N4BP2: variants seen among roughly 807,000 people sequenced by gnomAD.
N4BP2 encodes the protein NEDD4-binding protein 2.
N4BP2 carries 91 observed loss-of-function variants against 152.8 expected under a neutral mutation model. The ratio of observed to expected loss-of-function variants is 0.60; its 90% confidence interval spans 0.50 to 0.71. N4BP2 has a LOEUF of 0.71. Ranked by LOEUF, N4BP2 falls within the 30% of genes least tolerant of loss-of-function variation. N4BP2 has a pLI of 0.00. For synonymous variants in N4BP2, 646 were observed against 705.3 expected (o/e 0.92, Z 1.33); for missense variants, 1,923 against 2,059.1 (o/e 0.93, Z 1.28).
chr4:40,079,531 C>A (rs2109914763), intron 2 of N4BP2, among the ~76,000 whole-genome samples: 1 of 151,856 alleles, frequency 6.6e-6, no homozygotes, highest in East Asian at 1.9e-4. Context: ...TGACCATTGC[C>A]ATAACACTAT....
rs900309713 is a variant in N4BP2 at position 40,152,727 on chromosome 4, A to C, written c.5144-53A>C. 77 of 1,599,544 alleles carry C rather than the reference A, an allele frequency of 4.8e-5. No homozygotes were observed. In the African/African-American group the frequency reaches 9.8e-4, roughly 20 times the overall value. ...TGAGTAGCTAAGGTTTACGTTTTCTATTGAGAATGTAAGATAAATGAATTT... is the reference window on the plus strand; with the variant it reads ...TGAGTAGCTAAGGTTTACGTTTTCTCTTGAGAATGTAAGATAAATGAATTT... On this transcript the variant is annotated intron_variant, in intron 16 of 17. Coordinates refer to ENST00000261435, the MANE Select transcript of N4BP2 (RefSeq NM_018177.6).
intron 12 of N4BP2, among the ~76,000 whole-genome samples, chr4:40,128,425 G>A (rs1334599452): frequency 6.6e-6 from 1 of 151,962 alleles, no homozygotes; most frequent in African/African-American, 2.4e-5. Context: ...GTATCCTAAC[G>A]CAATCCAAGG....
At chr4:40,175,746 G>A in the N4BP2 span, among the ~76,000 whole-genome samples, 2 of 138,140 alleles carry the variant, frequency 1.4e-5, no homozygotes, top group Non-Finnish European at 3.0e-5. Context: ...GGTAACGGAG[G>A]TTGCAGTGAG....
chr4:40,067,134 T>C (rs1711600304), intron 1 of N4BP2, among the ~76,000 whole-genome samples: 1 of 148,068 alleles, frequency 6.8e-6, no homozygotes, highest in African/African-American at 2.5e-5. Context: ...CATGGCTCAC[T>C]GCAGCCTTGA....
At position 40,156,333 on chromosome 4, in the gene N4BP2, C is replaced by A. The variant is rs889867630; in HGVS notation, c.*2096C>A. On this transcript the variant is annotated 3_prime_UTR_variant, in exon 18 of 18. Transcript: ENST00000261435. ...AAGTAGAGGTGTGGTATTCCGTGGG[C>A]AGAAGTCAAATGAAAAAAGCTATAT... The A allele has an allele frequency of 1.3e-5, 2 of 151,916 alleles. No individual in the cohort carries two copies. The highest frequency in any genetic ancestry group is 2.9e-5 in the Non-Finnish European group (2 of 67,952). The allele number at this position is 151,916 out of a possible 1,614,324, so 9.4% of individuals were successfully genotyped here.
chr4:40,103,152 C>G lies in N4BP2; in HGVS notation c.1307C>G (p.Ser436Cys). 6.2e-7 allele frequency: 1 copy of G among 1,614,178 alleles called. No homozygotes were observed. Among genetic ancestry groups the G allele is most frequent in the South Asian group, 1.1e-5 (1 of 91,078 alleles). ...PVSQVVRKKTSYVGLVLVLLR... is the reference protein window; with the variant it reads ...PVSQVVRKKTCYVGLVLVLLR... ...TCTCAGGTTGTAAGAAAGAAGACAT[C>G]TTACGTTGGACTAGTTCTTGTTCTT... The change falls in exon 4 of 18, where the codon TCT becomes TGT. Residue 436 changes from serine to cysteine, a missense_variant. Ser to Cys is a moderately radical substitution (Grantham distance 112). Coordinates refer to ENST00000261435, the MANE Select transcript of N4BP2 (RefSeq NM_018177.6).
chr4:40,122,234 T>C lies in N4BP2; in HGVS notation c.4123T>C (p.Cys1375Arg). Residue 1375 changes from cysteine (C) to arginine (R), a missense_variant, in exon 9 of 18, where the codon TGT (cysteine) becomes CGT (arginine). Transcript: ENST00000261435. ...PAMAKSLTID[C>R]LELALPPELA... ...GATGGCCAAATCTCTGACCATAGAC[T>C]GTCTGGAATTGGCATTACCCCCTGA... The C allele has an allele frequency of 6.2e-7, 1 of 1,608,770 alleles. No homozygotes were observed. The highest frequency in any genetic ancestry group is 8.5e-7 in the Non-Finnish European group (1 of 1,176,748).
the N4BP2 span, among the ~76,000 whole-genome samples, chr4:40,181,525 C>G: frequency 6.6e-6 from 1 of 152,204 alleles, no homozygotes; most frequent in African/African-American, 2.4e-5. Flanking sequence ...TGCTCCAAGG[C>G]TGGTATGGCA....
At chr4:40,173,988 G>GA in the N4BP2 span, among the ~76,000 whole-genome samples, 11 of 151,802 alleles carry the variant, frequency 7.2e-5, no homozygotes, top group African/African-American at 1.2e-4. Flanking sequence ...ATGCTTGTGA[G>GA]AAAAAAACAC....
intron 2 of N4BP2, among the ~76,000 whole-genome samples, chr4:40,084,149 G>A (rs1713686183): frequency 1.3e-5 from 2 of 151,942 alleles, no homozygotes; most frequent in Admixed American, 1.3e-4. Flanking sequence ...CGGGGTTTCG[G>A]CATGTTGCCC....
intron 1 of N4BP2, among the ~76,000 whole-genome samples, chr4:40,063,405 C>T (rs1179700881): frequency 6.6e-6 from 1 of 152,136 alleles, no homozygotes; most frequent in African/African-American, 2.4e-5. Context: ...AAACCTGTTT[C>T]ATGGCAGCAC....
Position 40,121,403 on chromosome 4 carries a change from C to G in N4BP2, c.3292C>G (p.Leu1098Val), listed in dbSNP as rs372162338. The G allele has an allele frequency of 6.2e-6, 10 of 1,611,530 alleles. No homozygotes were observed. The highest frequency in any genetic ancestry group is 1.3e-5 in the African/African-American group (1 of 74,700). ...ESENLNILCK[L>V]FGSFSLEALK... The stretch of plus-strand genomic sequence containing the variant: ...TGAAAATCTTAACATTCTTTGTAAA[C>G]TGTTTGGATCCTTTTCATTAGAAGC... The change falls in exon 9 of 18, where the codon CTG (leucine) becomes GTG (valine). Residue 1098 changes from leucine to valine, a missense_variant. Transcript: ENST00000261435.
chr4:40,133,905 A>C, intron 13 of N4BP2, among the ~76,000 whole-genome samples: 1 of 152,106 alleles, frequency 6.6e-6, no homozygotes, highest in East Asian at 1.9e-4. Flanking sequence ...TCCTAAGCTC[A>C]AGTGATCCTC....
At chr4:40,092,045 T>G (rs1280835634) in intron 2 of N4BP2, among the ~76,000 whole-genome samples, 3 of 102,668 alleles carry the variant, frequency 2.9e-5, no homozygotes, top group South Asian at 3.1e-4. Context: ...TATATATATA[T>G]AGCTGAATTT....
At chr4:40,154,076 A>G (rs1721404596) in intron 17 of N4BP2, 116 bp from the exon 18 acceptor site, 5 of 718,662 alleles carry the variant, frequency 7.0e-6, no homozygotes, top group South Asian at 3.4e-5. Flanking sequence ...ATAAGGGTCA[A>G]TACTTTGGTA....
At chr4:40,072,770 C>T (rs749750843) in intron 1 of N4BP2, among the ~76,000 whole-genome samples, 1 of 151,168 alleles carries the variant, frequency 6.6e-6, no homozygotes. Flanking sequence ...CTGTTGCCCA[C>T]GCTGGACTGC....
Position 40,156,913 on chromosome 4 carries a change from C to G in N4BP2, c.*2676C>G, listed in dbSNP as rs1053292579. 6.6e-6 allele frequency: 1 copy of G among 152,138 alleles called. No homozygotes were observed. Among genetic ancestry groups the G allele is most frequent in the African/African-American group, 2.4e-5 (1 of 41,432 alleles). The allele number at this position is 152,138 out of a possible 1,614,324, so 9.4% of individuals were successfully genotyped here. ...CCAGCAATCCAAAACACTTCTGGTC[C>G]TAAGCATTTTGAGTAGGGGATACTC... On this transcript the variant is annotated 3_prime_UTR_variant, in exon 18 of 18. Coordinates refer to ENST00000261435, the MANE Select transcript of N4BP2 (RefSeq NM_018177.6).
intron 6 of N4BP2, among the ~76,000 whole-genome samples, chr4:40,112,688 C>T (rs776068961): frequency 6.6e-6 from 1 of 151,604 alleles, no homozygotes; most frequent in Non-Finnish European, 1.5e-5. Flanking sequence ...GCCCTTCTTG[C>T]TCTTTTTTGC....
chr4:40,068,875 T>C (rs1159062957), intron 1 of N4BP2, among the ~76,000 whole-genome samples: 2 of 152,310 alleles, frequency 1.3e-5, no homozygotes, highest in East Asian at 3.9e-4. Flanking sequence ...TCTCAGCACT[T>C]TGGGAGACCG....
Sources: allele counts gnomAD v4.1 joint callset (sites outside exome capture counted in the v4.1 genomes callset), GRCh38; gene constraint gnomAD v4.1.1; transcripts MANE v1.5; gene names NCBI Gene and HGNC (gene_info 2026-07-23, HGNC 2026-07-21).